Variants in HTR2C observed in about 807,000 individuals in gnomAD.
HTR2C encodes the protein 5-hydroxytryptamine receptor 2C, also known as 5-hydroxytryptamine (serotonin) receptor 2C, G protein-coupled.
In HTR2C, 5 loss-of-function variants were observed where a neutral mutation model predicts 21.0. The ratio of observed to expected loss-of-function variants is 0.24; its 90% CI spans 0.12 to 0.50. The LOEUF is 0.50. Among genes scored for constraint, HTR2C ranks in the 20% least tolerant of loss-of-function variants. HTR2C has a pLI of 0.98. For missense variants in HTR2C, 271 were observed against 371.2 expected, an observed-to-expected ratio of 0.73 and a Z score of 2.22; for synonymous variants, 150 against 145.3, an observed-to-expected ratio of 1.03 and a Z score of -0.23.
At chrX:114,770,947 G>A (rs1381994515) in intron 4 of HTR2C, among the ~76,000 whole-genome samples, 1 of 108,804 alleles carries the variant, frequency 9.2e-6, no homozygotes, top group Non-Finnish European at 1.9e-5. Flanking sequence ...GATTACAAGT[G>A]CCTGCCACGA....
intron 4 of HTR2C, among the ~76,000 whole-genome samples, chrX:114,734,510 A>G (rs2069568449): frequency 9.9e-6 from 1 of 100,851 alleles, no homozygotes; most frequent in African/African-American, 3.6e-5. Context: ...GGGGTTTCCA[A>G]AGCAAAAAGA....
intron 1 of HTR2C, among the ~76,000 whole-genome samples, chrX:114,596,626 G>A (rs2095852686): frequency 9.0e-6 from 1 of 111,141 alleles, no homozygotes; most frequent in Non-Finnish European, 1.9e-5. Flanking sequence ...TGAGTCTTTG[G>A]GGGGTGATCC....
chrX:114,610,831 AGT>A lies in HTR2C; in HGVS notation c.-146-2981_-146-2980del, dbSNP rs1466454451. On this transcript the variant is annotated intron_variant, in intron 1 of 5. Transcript: ENST00000276198. Reference sequence around the variant, plus strand: ...TGAGAGGAAAAAAATTGGAAAGGAGAGTGTATGATAGATGCAAAATGTTAATA... The same window carrying A: ...TGAGAGGAAAAAAATTGGAAAGGAGAGTATGATAGATGCAAAATGTTAATA... Among the ~76,000 whole-genome samples, 5 of 111,537 alleles carry A rather than the reference AGT, an allele frequency of 4.5e-5. No individual in the cohort carries two copies. In the Admixed American group the frequency reaches 4.8e-4, roughly 11 times the overall value.
intron 5 of HTR2C, among the ~76,000 whole-genome samples, chrX:114,873,641 T>C (rs919577361): frequency 8.9e-6 from 1 of 111,902 alleles, no homozygotes; most frequent in Admixed American, 9.5e-5. Flanking sequence ...TTTTATTTTC[T>C]GTCCAGCTTT....
rs141753137 is a variant in HTR2C, at chrX:114,805,835, C to CATATATACCAT, written c.350-42137_350-42127dup. ...CACCATATATATACCATATATATAC[C>CATATATACCAT]ATATATACCATATATATACCATATA... On this transcript the variant is annotated intron_variant, in intron 4 of 5. Transcript: ENST00000276198. 5.5e-3 allele frequency among the ~76,000 whole-genome samples: 171 copies of CATATATACCAT among 31,185 alleles called. 6 individuals carry two copies. Among genetic ancestry groups the CATATATACCAT allele is most frequent in the African/African-American group, 0.023 (164 of 7,056 alleles). 27.1% of individuals were successfully genotyped at this position (31,185 alleles called of 115,157 possible). A position where few individuals can be genotyped will look rare whatever the true frequency, so the allele number is the denominator to read the frequency against.
chrX:114,666,591 C>A (rs1207378645), intron 2 of HTR2C, among the ~76,000 whole-genome samples: 1 of 111,209 alleles, frequency 9.0e-6, no homozygotes, highest in Non-Finnish European at 1.9e-5. Context: ...TGAGAAGATT[C>A]AAGATAATGA....
At chrX:114,810,780 A>G (rs1394397318) in intron 4 of HTR2C, among the ~76,000 whole-genome samples, 1 of 107,881 alleles carries the variant, frequency 9.3e-6, no homozygotes, top group African/African-American at 3.4e-5. Context: ...GTGTGTGGAT[A>G]GTTGTTCAAT....
intron 4 of HTR2C, among the ~76,000 whole-genome samples, chrX:114,815,944 G>C (rs1242888127): frequency 2.5e-4 from 28 of 110,035 alleles, no homozygotes; most frequent in Non-Finnish European, 2.5e-4. Context: ...TGATCTCCTT[G>C]ACATTTTCGA....
In HTR2C at chrX:114,659,364, A is replaced by C. The variant is rs1383310958; in HGVS notation, c.-80+45483A>C. On this transcript the variant is annotated intron_variant, in intron 2 of 5. Coordinates refer to ENST00000276198, the MANE Select transcript of HTR2C (RefSeq NM_000868.4). Reference sequence around the variant, plus strand: ...AGACTTCACTTTAACCAAGTAATCAAGGTTATAACAGTGACAGTTTTTATG... The same window carrying C: ...AGACTTCACTTTAACCAAGTAATCACGGTTATAACAGTGACAGTTTTTATG... Among the ~76,000 whole-genome samples the C allele has an allele frequency of 1.2e-4, 3 of 25,488 alleles. No homozygotes were observed. In the East Asian group the frequency reaches 0.042, roughly 359 times the overall value. 22.1% of individuals were successfully genotyped at this position (25,488 alleles called of 115,157 possible). A position where few individuals can be genotyped will look rare whatever the true frequency, so the allele number is the denominator to read the frequency against.
intron 2 of HTR2C, among the ~76,000 whole-genome samples, chrX:114,718,220 G>T (rs1158088607): frequency 1.0e-5 from 1 of 95,744 alleles, no homozygotes; most frequent in African/African-American, 3.7e-5. Context: ...CAGAGATGGC[G>T]TCTTGCTCTG....
At chrX:114,665,554 T>A (rs1602673588) in intron 2 of HTR2C, among the ~76,000 whole-genome samples, 1 of 112,572 alleles carries the variant, frequency 8.9e-6, no homozygotes, top group East Asian at 2.8e-4. Context: ...TATAAACAGT[T>A]GATTAACAAA....
At chrX:114,656,719 C>T (rs1411955317) in intron 2 of HTR2C, among the ~76,000 whole-genome samples, 1 of 110,168 alleles carries the variant, frequency 9.1e-6, no homozygotes, top group African/African-American at 3.3e-5. Flanking sequence ...AATTTGCCAT[C>T]GATTATCATA....
intron 1 of HTR2C, among the ~76,000 whole-genome samples, chrX:114,613,248 C>A (rs1297281292): frequency 9.0e-6 from 1 of 111,549 alleles, no homozygotes; most frequent in African/African-American, 3.3e-5. Context: ...CCTGGTTGCC[C>A]ATTTTTATGG....
At chrX:114,731,911 A>G (rs1293884278) in intron 4 of HTR2C, among the ~76,000 whole-genome samples, 4 of 111,823 alleles carry the variant, frequency 3.6e-5, no homozygotes, top group African/African-American at 1.3e-4. Flanking sequence ...ACATTAACAG[A>G]AACATCTTTC....
At chrX:114,675,668 T>C (rs1931527834) in intron 2 of HTR2C, among the ~76,000 whole-genome samples, 1 of 111,808 alleles carries the variant, frequency 8.9e-6, no homozygotes, top group Admixed American at 9.6e-5. Context: ...TGTAGTACAC[T>C]GAAATAATGA....
chrX:114,589,418 G>A (rs782024128), intron 1 of HTR2C, among the ~76,000 whole-genome samples: 1 of 111,549 alleles, frequency 9.0e-6, no homozygotes, highest in African/African-American at 3.3e-5. Context: ...TGGACAGGCA[G>A]ATGTTACTAC....
chrX:114,838,848 A>G (rs1402948297), intron 4 of HTR2C, among the ~76,000 whole-genome samples: 3 of 112,287 alleles, frequency 2.7e-5, no homozygotes, highest in African/African-American at 9.7e-5. Context: ...AATAAACAAT[A>G]ATTACTGACC....
In HTR2C at chrX:114,584,244, G is replaced by T. The variant is rs1433035066; in HGVS notation, c.-562G>T. ...TTGCATATGAACTCTTCTTCTGTCT[G>T]TACATCGTTGTCGTCGGAGTCGTCG... On this transcript the variant is annotated 5_prime_UTR_variant, in exon 1 of 6. Transcript: ENST00000276198. The T allele has an allele frequency of 1.8e-5, 2 of 113,010 alleles. No homozygotes were observed. Among genetic ancestry groups the T allele is most frequent in the African/African-American group, 6.4e-5 (2 of 31,033 alleles). The allele number at this position is 113,010 out of a possible 1,213,427, so 9.3% of individuals were successfully genotyped here.
intron 1 of HTR2C, among the ~76,000 whole-genome samples, chrX:114,612,272 T>G (rs1038670421): frequency 8.9e-6 from 1 of 111,992 alleles, no homozygotes; most frequent in East Asian, 2.8e-4. Context: ...TCTCATAACT[T>G]TGATGATCTT....
Sources: gnomAD v4.1 joint callset for allele counts (sites outside exome capture counted in the v4.1 genomes callset) on GRCh38, gnomAD v4.1.1 for gene constraint, MANE v1.5 for transcripts, NCBI Gene and HGNC (gene_info 2026-07-23, HGNC 2026-07-21) for gene names.